SNTG1: variants seen among roughly 807,000 people sequenced by gnomAD.
SNTG1 encodes the protein gamma-1-syntrophin.
Under a neutral mutation model 74.7 loss-of-function variants are expected in SNTG1, and 39 were observed. That is an observed-to-expected ratio of 0.52 (90% CI 0.40 to 0.68). The LOEUF (loss-of-function observed/expected upper bound fraction) is 0.68. Ranked by LOEUF, SNTG1 falls within the 30% of genes least tolerant of loss-of-function variation. SNTG1 has a pLI of 0.00. For synonymous variants in SNTG1, 254 were observed against 217.1 expected (o/e 1.17, Z -1.49); for missense variants, 685 against 609.5 (o/e 1.12, Z -1.30).
At chr8:50,191,907 T>C (rs1205493526) in intron 2 of SNTG1, among the ~76,000 whole-genome samples, 2 of 152,112 alleles carry the variant, frequency 1.3e-5, no homozygotes. Flanking sequence ...TCATGGTCAA[T>C]AACTCAAAAG....
chr8:50,362,571 A>T (rs2091990390), intron 2 of SNTG1, among the ~76,000 whole-genome samples: 9 of 151,798 alleles, frequency 5.9e-5, no homozygotes, highest in Admixed American at 5.9e-4. Flanking sequence ...TTTTCTTCAG[A>T]TGAGCAAACT....
At chr8:49,961,005 C>A (rs1158616174) in intron 1 of SNTG1, among the ~76,000 whole-genome samples, 1 of 152,178 alleles carries the variant, frequency 6.6e-6, no homozygotes, top group Non-Finnish European at 1.5e-5. Context: ...GAAATACTAT[C>A]TTGAAAACTT....
intron 1 of SNTG1, among the ~76,000 whole-genome samples, chr8:50,003,807 A>G (rs187091694): frequency 1.3e-5 from 2 of 152,264 alleles, no homozygotes; most frequent in Non-Finnish European, 2.9e-5. Flanking sequence ...CCAAATGAAA[A>G]CTGTTTGCTC....
At chr8:49,968,575 T>C (rs544332939) in intron 1 of SNTG1, among the ~76,000 whole-genome samples, 10 of 152,268 alleles carry the variant, frequency 6.6e-5, no homozygotes, top group Non-Finnish European at 1.2e-4. Context: ...GTTTCCAGGT[T>C]TCTACATGCA....
chr8:49,960,975 T>C (rs1305398812), intron 1 of SNTG1, among the ~76,000 whole-genome samples: 1 of 152,172 alleles, frequency 6.6e-6, no homozygotes, highest in South Asian at 2.1e-4. Context: ...GTTACCTGTA[T>C]AGGAAAATGT....
chr8:49,992,038 G>A (rs1009926158), intron 1 of SNTG1, among the ~76,000 whole-genome samples: 1 of 152,124 alleles, frequency 6.6e-6, no homozygotes, highest in Non-Finnish European at 1.5e-5. Flanking sequence ...TCATTATACT[G>A]TACTGTTTCC....
At chr8:50,218,992 G>A (rs1356927369) in intron 2 of SNTG1, among the ~76,000 whole-genome samples, 1 of 152,118 alleles carries the variant, frequency 6.6e-6, no homozygotes, top group Admixed American at 6.6e-5. Flanking sequence ...GTCCTGAGAA[G>A]GTGGGAAATC....
intron 2 of SNTG1, among the ~76,000 whole-genome samples, chr8:50,387,708 A>C (rs1333618698): frequency 6.6e-6 from 1 of 152,208 alleles, no homozygotes; most frequent in Non-Finnish European, 1.5e-5. Flanking sequence ...AAATTGAAAA[A>C]ATATGCAATG....
chr8:50,187,995 C>T (rs1025155386), intron 2 of SNTG1, among the ~76,000 whole-genome samples: 1 of 152,124 alleles, frequency 6.6e-6, no homozygotes, highest in Admixed American at 6.6e-5. Flanking sequence ...TCACTGCCAC[C>T]TTAGCCACTT....
intron 5 of SNTG1, among the ~76,000 whole-genome samples, chr8:50,445,071 T>C (rs1272852385): frequency 2.0e-5 from 3 of 152,174 alleles, no homozygotes; most frequent in African/African-American, 4.8e-5. Flanking sequence ...CTCCCCTCTT[T>C]CAAACCTGAG....
At chr8:50,040,414 T>G (rs901706241) in intron 1 of SNTG1, among the ~76,000 whole-genome samples, 3 of 152,220 alleles carry the variant, frequency 2.0e-5, no homozygotes, top group African/African-American at 7.2e-5. Context: ...ATCTTTCTTT[T>G]TAAGCATTTC....
chr8:50,286,293 T>C lies in SNTG1; in HGVS notation c.-27-107919T>C, dbSNP rs147740348. Among the ~76,000 whole-genome samples the C allele has an allele frequency of 8.5e-5, 13 of 152,312 alleles. No individual in the cohort carries two copies. In the East Asian group the frequency reaches 2.5e-3, roughly 29 times the overall value. ...GATGTATTCTCTAACTGCTTTCTACTGCTGTTTGTTTCAACCTATGTGGGG... is the reference window on the plus strand; with the variant it reads ...GATGTATTCTCTAACTGCTTTCTACCGCTGTTTGTTTCAACCTATGTGGGG... On this transcript the variant is annotated intron_variant, in intron 2 of 18. Coordinates refer to ENST00000642720, the MANE Select transcript of SNTG1 (RefSeq NM_018967.5).
chr8:50,109,188 A>C (rs1233325776), intron 1 of SNTG1, among the ~76,000 whole-genome samples: 2 of 152,172 alleles, frequency 1.3e-5, no homozygotes, highest in African/African-American at 4.8e-5. Flanking sequence ...ATCAAAAGAA[A>C]GATCTCTCCC....
intron 1 of SNTG1, among the ~76,000 whole-genome samples, chr8:49,990,198 A>G (rs1244786966): frequency 6.6e-6 from 1 of 152,004 alleles, no homozygotes; most frequent in African/African-American, 2.4e-5. Context: ...ATTCACCAAC[A>G]TTTATTAAAA....
At chr8:49,921,395 G>A (rs1258878536) in intron 1 of SNTG1, among the ~76,000 whole-genome samples, 1 of 151,972 alleles carries the variant, frequency 6.6e-6, no homozygotes, top group Non-Finnish European at 1.5e-5. Flanking sequence ...AGGGCATCCT[G>A]GAGAGAACGA....
At chr8:50,715,951 A>G (rs1299923795) in intron 17 of SNTG1, among the ~76,000 whole-genome samples, 1 of 152,214 alleles carries the variant, frequency 6.6e-6, no homozygotes, top group Admixed American at 6.5e-5. Context: ...ACTGATTTCT[A>G]GAATCTTTCA....
intron 2 of SNTG1, among the ~76,000 whole-genome samples, chr8:50,205,885 T>C (rs181717508): frequency 6.6e-6 from 1 of 152,100 alleles, no homozygotes; most frequent in Non-Finnish European, 1.5e-5. Flanking sequence ...TGTAGATGTG[T>C]GGTATTATTC....
At chr8:50,203,890 C>T (rs1238735909) in intron 2 of SNTG1, among the ~76,000 whole-genome samples, 4 of 151,886 alleles carry the variant, frequency 2.6e-5, no homozygotes, top group African/African-American at 7.3e-5. Context: ...ATAACTGCAA[C>T]GTCAATGCAT....
At chr8:50,359,669 G>GT (rs1196227984) in intron 2 of SNTG1, among the ~76,000 whole-genome samples, 3 of 152,084 alleles carry the variant, frequency 2.0e-5, no homozygotes, top group African/African-American at 7.2e-5. Flanking sequence ...CTTTAAATGC[G>GT]TGAAAGAAAT....
Sources: allele counts gnomAD v4.1 joint callset (sites outside exome capture counted in the v4.1 genomes callset), GRCh38; gene constraint gnomAD v4.1.1; transcripts MANE v1.5; gene names NCBI Gene and HGNC (gene_info 2026-07-23, HGNC 2026-07-21).